Variants in GRIP2 observed in about 807,000 individuals in gnomAD.
GRIP2 encodes glutamate receptor-interacting protein 2.
In GRIP2, 58 loss-of-function variants were observed where a neutral mutation model predicts 108.3. The observed-to-expected ratio is 0.54, with a 90% confidence interval of 0.43 to 0.67. GRIP2 has a LOEUF of 0.67. Among genes scored for constraint, GRIP2 ranks in the 30% least tolerant of loss-of-function variants. GRIP2 has a pLI of 0.00. For missense variants in GRIP2, 1,278 were observed against 1,430.6 expected (o/e 0.89, Z 1.72); for synonymous variants, 586 against 598.2 (o/e 0.98, Z 0.30).
intron 1 of GRIP2, among the ~76,000 whole-genome samples, chr3:14,529,278 C>CAA (rs78828207): frequency 1.7e-3 from 188 of 110,876 alleles, no homozygotes; most frequent in African/African-American, 4.4e-3. Flanking sequence ...GACTCCGTCT[C>CAA]AAAAAAAAAA....
chr3:14,501,956 A>G (rs1040032596), intron 21 of GRIP2, among the ~76,000 whole-genome samples: 1 of 152,152 alleles, frequency 6.6e-6, no homozygotes, highest in African/African-American at 2.4e-5. Flanking sequence ...ATCAATAGAA[A>G]AAAGGAAAGA....
At chr3:14,569,517 C>T in the GRIP2 span, among the ~76,000 whole-genome samples, 22 of 152,304 alleles carry the variant, frequency 1.4e-4, no homozygotes, top group Admixed American at 7.2e-4. Context: ...TGCTGGGCCA[C>T]GCATTAAAGT....
At chr3:14,503,854 C>G in intron 20 of GRIP2, 183 bp from the exon 21 acceptor site, 1 of 596,316 alleles carries the variant, frequency 1.7e-6, no homozygotes, top group South Asian at 2.0e-5. Flanking sequence ...GTTGGTGACA[C>G]GGAATAGGGG....
chr3:14,572,611 C>CAAAAAAAAAAAAAA, the GRIP2 span, among the ~76,000 whole-genome samples: 3 of 46,958 alleles, frequency 6.4e-5, 1 homozygote, highest in African/African-American at 2.8e-4. Flanking sequence ...GACTCCGTCT[C>CAAAAAAAAAAAAAA]AAAAAAAAAA....
intron 1 of GRIP2, among the ~76,000 whole-genome samples, chr3:14,536,561 C>G (rs1216083117): frequency 6.6e-6 from 1 of 152,218 alleles, no homozygotes; most frequent in Non-Finnish European, 1.5e-5. Context: ...CATGGCATCA[C>G]CTGGAGAGGC....
intron 1 of GRIP2, among the ~76,000 whole-genome samples, chr3:14,551,732 C>G (rs1179286661): frequency 6.6e-6 from 1 of 152,192 alleles, no homozygotes; most frequent in East Asian, 1.9e-4. Context: ...GCTGAATAAG[C>G]TGACCGTGAA....
At chr3:14,534,177 A>T (rs7628830) in intron 1 of GRIP2, among the ~76,000 whole-genome samples, 4,004 of 152,026 alleles carry the variant, frequency 0.026, 158 homozygotes, top group African/African-American at 0.091. Flanking sequence ...GATGGGGGGG[A>T]ACTGAGGCAG....
chr3:14,525,811 T>A, intron 2 of GRIP2, 40 bp downstream of exon 2: 2 of 1,542,582 alleles, frequency 1.3e-6, no homozygotes, highest in Non-Finnish European at 1.8e-6. Context: ...TCTCTGTGCC[T>A]CCAGGGCAGA....
chr3:14,557,718 C>T (rs1695259539), upstream of GRIP2, among the ~76,000 whole-genome samples: 1 of 152,270 alleles, frequency 6.6e-6, no homozygotes, highest in East Asian at 1.9e-4. Context: ...TAAGCCTCTC[C>T]TCTGCAGTTG....
chr3:14,553,049 C>T (rs1311691666), intron 1 of GRIP2, among the ~76,000 whole-genome samples: 2 of 152,062 alleles, frequency 1.3e-5, no homozygotes, highest in African/African-American at 4.8e-5. Context: ...TTCTTGCTGA[C>T]CAAGACTCTC....
intron 1 of GRIP2, among the ~76,000 whole-genome samples, chr3:14,534,440 C>G (rs1694785636): frequency 6.6e-6 from 1 of 152,170 alleles, no homozygotes; most frequent in Admixed American, 6.5e-5. Flanking sequence ...TAATTATATG[C>G]TTAGAGATGA....
chr3:14,494,708 A>G, intron 23 of GRIP2, 135 bp downstream of exon 23: 1 of 1,074,262 alleles, frequency 9.3e-7, no homozygotes. Flanking sequence ...TGGGGCCCGC[A>G]ATGCAACTTT....
At chr3:14,575,676 G>T in the GRIP2 span, among the ~76,000 whole-genome samples, 28 of 152,352 alleles carry the variant, frequency 1.8e-4, no homozygotes, top group Non-Finnish European at 2.9e-4. Flanking sequence ...GCAGCCTAGA[G>T]AACCCACCCT....
At chr3:14,553,719 C>G (rs965225602) in intron 1 of GRIP2, among the ~76,000 whole-genome samples, 1 of 152,170 alleles carries the variant, frequency 6.6e-6, no homozygotes, top group African/African-American at 2.4e-5. Context: ...AGAAATGTTA[C>G]CCAGGCATCT....
intron 1 of GRIP2, among the ~76,000 whole-genome samples, chr3:14,548,902 C>T (rs1695099419): frequency 6.6e-6 from 1 of 152,186 alleles, no homozygotes; most frequent in South Asian, 2.1e-4. Context: ...CTGGAATGTT[C>T]TTCCTCACTT....
At chr3:14,559,846 C>T (rs1430467929), upstream of GRIP2, among the ~76,000 whole-genome samples, 7 of 152,228 alleles carry the variant, frequency 4.6e-5, no homozygotes, top group Admixed American at 1.3e-4. Flanking sequence ...CAAGAATCTG[C>T]ACCTCATAGT....
chr3:14,538,002 C>T (rs1694873463), intron 1 of GRIP2, among the ~76,000 whole-genome samples: 1 of 152,208 alleles, frequency 6.6e-6, no homozygotes, highest in South Asian at 2.1e-4. Flanking sequence ...AGGTCACAGT[C>T]CCTTCCTGCC....
chr3:14,537,185 C>T (rs1054217075), intron 1 of GRIP2, among the ~76,000 whole-genome samples: 1 of 152,158 alleles, frequency 6.6e-6, no homozygotes, highest in Admixed American at 6.5e-5. Flanking sequence ...GACTCACATC[C>T]CCCTAGGGCC....
intron 1 of GRIP2, among the ~76,000 whole-genome samples, chr3:14,555,406 A>G (rs1015568061): frequency 5.3e-5 from 8 of 152,122 alleles, no homozygotes; most frequent in African/African-American, 1.9e-4. Flanking sequence ...GCGATGAAGG[A>G]GACACACAGG....
Sources: gnomAD v4.1 joint callset for allele counts (sites outside exome capture counted in the v4.1 genomes callset) on GRCh38, gnomAD v4.1.1 for gene constraint, MANE v1.5 for transcripts, NCBI Gene and HGNC (gene_info 2026-07-23, HGNC 2026-07-21) for gene names.